EXOC4: variants seen among roughly 807,000 people sequenced by gnomAD.
The protein encoded by EXOC4 is SEC8-like 1.
A neutral mutation model predicts 107.2 loss-of-function variants in EXOC4; 71 were observed. The observed-to-expected ratio is 0.66, with a 90% CI of 0.55 to 0.81. The LOEUF (loss-of-function observed/expected upper bound fraction) is 0.81, where lower values mean the gene tolerates loss of function less well. Ranked by LOEUF, EXOC4 falls within the 30% of genes least tolerant of loss-of-function variation. The pLI, the probability that EXOC4 is intolerant of heterozygous loss-of-function variation, is 0.00. For synonymous variants in EXOC4, 456 were observed against 441.2 expected (o/e 1.03, Z -0.42); for missense variants, 1,108 against 1,189.6 (o/e 0.93, Z 1.01).
chr7:134,004,432 G>C (rs1794596853), intron 15 of EXOC4, among the ~76,000 whole-genome samples: 2 of 152,166 alleles, frequency 1.3e-5, no homozygotes, highest in African/African-American at 4.8e-5. Flanking sequence ...AAGTCATACA[G>C]CTGGTGATTG....
intron 10 of EXOC4, among the ~76,000 whole-genome samples, chr7:133,664,178 C>G (rs993984866): frequency 3.9e-5 from 6 of 152,110 alleles, no homozygotes; most frequent in African/African-American, 7.2e-5. Context: ...ATATCTTCTT[C>G]CAGCATGCCC....
At chr7:133,448,577 G>A (rs1349011684) in intron 7 of EXOC4, among the ~76,000 whole-genome samples, 1 of 152,050 alleles carries the variant, frequency 6.6e-6, no homozygotes, top group African/African-American at 2.4e-5. Context: ...CCCAAGTGCT[G>A]TGGTTATAGG....
chr7:133,696,541 C>CT (rs1354704014), intron 10 of EXOC4, among the ~76,000 whole-genome samples: 1 of 152,192 alleles, frequency 6.6e-6, no homozygotes, highest in African/African-American at 2.4e-5. Flanking sequence ...TATAGCTCCT[C>CT]TTTTTTTTCC....
chr7:133,532,943 G>A (rs1028982294), intron 9 of EXOC4, among the ~76,000 whole-genome samples: 1 of 151,922 alleles, frequency 6.6e-6, no homozygotes, highest in African/African-American at 2.4e-5. Flanking sequence ...TTTTCTTTGA[G>A]ATTTCAGGGT....
In EXOC4 at chr7:134,064,551, C is replaced by T. The variant is rs781446558; in HGVS notation, c.*23C>T. 23 of 1,498,034 alleles carry T rather than the reference C, an allele frequency of 1.5e-5. No homozygotes were observed. The highest frequency in any genetic ancestry group is 1.2e-4 in the East Asian group (5 of 41,496). 92.8% of individuals were successfully genotyped at this position (1,498,034 alleles called of 1,614,324 possible). On this transcript the variant is annotated 3_prime_UTR_variant, in exon 18 of 18. Coordinates refer to ENST00000253861, the MANE Select transcript of EXOC4 (RefSeq NM_021807.4). Reference sequence around the variant, plus strand: ...TAGCAGGGCGTACTGCGGTTGGTGACGGGGGTCCCCTCAGTCACACTCACT... The same window carrying T: ...TAGCAGGGCGTACTGCGGTTGGTGATGGGGGTCCCCTCAGTCACACTCACT...
chr7:133,515,470 TGA>T (rs1224094993), intron 9 of EXOC4, among the ~76,000 whole-genome samples: 1 of 151,898 alleles, frequency 6.6e-6, no homozygotes, highest in East Asian at 1.9e-4. Context: ...ATACATATAG[TGA>T]GAGAGAAAGA....
Position 133,997,579 on chromosome 7 carries a change from A to C in EXOC4, c.2294A>C (p.Lys765Thr), listed in dbSNP as rs764781492. The C allele has an allele frequency of 4.3e-6, 7 of 1,613,710 alleles. No individual in the cohort carries two copies. The highest frequency in any genetic ancestry group is 8.5e-7 in the Non-Finnish European group (1 of 1,179,788). The change falls in exon 15 of 18, where the codon AAA (lysine) becomes ACA (threonine). Residue 765 changes from lysine (K) to threonine (T), a missense_variant. Lys to Thr is a moderately conservative substitution (Grantham distance 78, BLOSUM62 -1). Coordinates refer to ENST00000253861, the MANE Select transcript of EXOC4 (RefSeq NM_021807.4). Reference sequence around the variant, plus strand: ...ATGCAGACTCTCAGTGAACTTGCCAAATCGTTCCAGGATATGGCTGACCGC... The same window carrying C: ...ATGCAGACTCTCAGTGAACTTGCCACATCGTTCCAGGATATGGCTGACCGC... ...QIMQTLSELA[K>T]SFQDMADRCL...
chr7:133,345,309 A>G (rs1257659601), intron 5 of EXOC4, among the ~76,000 whole-genome samples: 1 of 152,158 alleles, frequency 6.6e-6, no homozygotes, highest in Non-Finnish European at 1.5e-5. Flanking sequence ...ATTCTAATCA[A>G]CTCTAAAATT....
intron 9 of EXOC4, among the ~76,000 whole-genome samples, chr7:133,490,968 A>G (rs956168543): frequency 1.3e-5 from 2 of 152,198 alleles, no homozygotes; most frequent in Non-Finnish European, 2.9e-5. Flanking sequence ...GGTAGGGCCC[A>G]CGGCACAACC....
At chr7:133,598,981 C>T (rs1477720404) in intron 9 of EXOC4, among the ~76,000 whole-genome samples, 1 of 151,966 alleles carries the variant, frequency 6.6e-6, no homozygotes, top group Non-Finnish European at 1.5e-5. Context: ...GAGACTCCAT[C>T]TCCAATAACT....
chr7:133,259,514 A>T (rs1435746548), intron 1 of EXOC4, among the ~76,000 whole-genome samples: 1 of 151,996 alleles, frequency 6.6e-6, no homozygotes. Flanking sequence ...GACGTGAGCC[A>T]CCGTCCCCGG....
intron 17 of EXOC4, among the ~76,000 whole-genome samples, chr7:134,029,728 C>T (rs1001141832): frequency 7.2e-5 from 11 of 152,050 alleles, no homozygotes; most frequent in Non-Finnish European, 1.5e-4. Flanking sequence ...ACCATGTTGC[C>T]TAGGCTGGTC....
At chr7:133,713,383 A>G (rs558348243) in intron 10 of EXOC4, among the ~76,000 whole-genome samples, 1 of 152,262 alleles carries the variant, frequency 6.6e-6, no homozygotes, top group East Asian at 1.9e-4. Context: ...TTTTTTCACA[A>G]AGTTACATAA....
chr7:133,406,154 G>A (rs1361259412), intron 7 of EXOC4, among the ~76,000 whole-genome samples: 1 of 152,148 alleles, frequency 6.6e-6, no homozygotes, highest in Non-Finnish European at 1.5e-5. Context: ...AACAAGCTGA[G>A]GGAAACAGAG....
intron 14 of EXOC4, among the ~76,000 whole-genome samples, chr7:133,991,060 T>C (rs1794244845): frequency 6.6e-6 from 1 of 152,176 alleles, no homozygotes; most frequent in Non-Finnish European, 1.5e-5. Flanking sequence ...ATGAGCATTC[T>C]TCCTTCTCCA....
chr7:133,972,777 A>G (rs543754438), intron 14 of EXOC4, among the ~76,000 whole-genome samples: 1 of 152,288 alleles, frequency 6.6e-6, no homozygotes, highest in East Asian at 1.9e-4. Flanking sequence ...AAGTGCTGAA[A>G]GTGGTCTCAC....
At chr7:133,256,520 C>G (rs754608528) in intron 1 of EXOC4, among the ~76,000 whole-genome samples, 12 of 152,182 alleles carry the variant, frequency 7.9e-5, no homozygotes, top group Non-Finnish European at 1.3e-4. Flanking sequence ...AAATAAATTA[C>G]CGACAGTTAG....
intron 14 of EXOC4, among the ~76,000 whole-genome samples, chr7:133,981,335 A>G (rs1350366838): frequency 6.6e-6 from 1 of 152,204 alleles, no homozygotes; most frequent in Non-Finnish European, 1.5e-5. Context: ...GATCAAATGT[A>G]TAAAGCTAGT....
At chr7:134,014,075 A>G (rs1214969073) in intron 17 of EXOC4, among the ~76,000 whole-genome samples, 1 of 152,232 alleles carries the variant, frequency 6.6e-6, no homozygotes, top group Admixed American at 6.5e-5. Flanking sequence ...ATACGCACAC[A>G]AATGTTCATA....
Sources: gnomAD v4.1 joint callset for allele counts (sites outside exome capture counted in the v4.1 genomes callset) on GRCh38, gnomAD v4.1.1 for gene constraint, MANE v1.5 for transcripts, NCBI Gene and HGNC (gene_info 2026-07-23, HGNC 2026-07-21) for gene names.